SPMAP2L: variants seen among roughly 807,000 people sequenced by gnomAD.
SPMAP2L encodes sperm microtubule associated protein 2 like.
At chr4:56,584,455 C>A in the SPMAP2L span, 1 of 1,300,796 alleles carries the variant, frequency 7.7e-7, no homozygotes, top group Non-Finnish European at 1.1e-6. Context: ...GTTGTTTCTC[C>A]ATCCAACAGT....
chr4:56,540,064 A>G, the SPMAP2L span, among the ~76,000 whole-genome samples: 4 of 152,238 alleles, frequency 2.6e-5, no homozygotes, highest in Admixed American at 6.5e-5. Context: ...GATTCACTCA[A>G]GAGTTACTGA....
the SPMAP2L span, among the ~76,000 whole-genome samples, chr4:56,567,054 G>A: frequency 1.3e-5 from 2 of 151,736 alleles, no homozygotes; most frequent in South Asian, 2.1e-4. Flanking sequence ...TTTGTGCCAC[G>A]GTGATCATAC....
At chr4:56,534,243 C>T in the SPMAP2L span, among the ~76,000 whole-genome samples, 2 of 152,104 alleles carry the variant, frequency 1.3e-5, 1 homozygote, top group South Asian at 4.2e-4. Context: ...TCACAATGAT[C>T]GCTGCCTTGT....
chr4:56,553,396 T>C, the SPMAP2L span, among the ~76,000 whole-genome samples: 7 of 151,776 alleles, frequency 4.6e-5, no homozygotes, highest in Non-Finnish European at 1.0e-4. Context: ...TTTCCCTATG[T>C]TTCCCAGGCT....
chr4:56,618,374 G>A, the SPMAP2L span, among the ~76,000 whole-genome samples: 1 of 152,188 alleles, frequency 6.6e-6, no homozygotes, highest in East Asian at 1.9e-4. Context: ...GGAAACAAAG[G>A]TGTATTAGTT....
chr4:56,537,603 AAG>A, the SPMAP2L span, among the ~76,000 whole-genome samples: 9 of 152,150 alleles, frequency 5.9e-5, no homozygotes, highest in Admixed American at 4.6e-4. Context: ...GTTTTATCTC[AAG>A]AATATTTCCT....
the SPMAP2L span, among the ~76,000 whole-genome samples, chr4:56,589,336 C>T: frequency 6.6e-6 from 1 of 152,220 alleles, no homozygotes; most frequent in Admixed American, 6.5e-5. Context: ...GTGACTACGG[C>T]CTTATAGTAT....
At chr4:56,603,991 C>G in the SPMAP2L span, among the ~76,000 whole-genome samples, 3 of 152,056 alleles carry the variant, frequency 2.0e-5, no homozygotes, top group African/African-American at 7.2e-5. Context: ...TTGCATCTGC[C>G]CAGAATTTTA....
the SPMAP2L span, chr4:56,575,730 T>G: frequency 7.6e-7 from 1 of 1,317,942 alleles, no homozygotes; most frequent in Admixed American, 2.3e-5. Context: ...GTGTGCAATT[T>G]CATGAGCTAA....
chr4:56,552,517 T>G, the SPMAP2L span: 35 of 1,224,136 alleles, frequency 2.9e-5, no homozygotes, highest in Non-Finnish European at 3.6e-5. Flanking sequence ...TCTTAAGCAT[T>G]CTCTTTGAAT....
the SPMAP2L span, among the ~76,000 whole-genome samples, chr4:56,589,144 A>C: frequency 3.4e-4 from 52 of 152,040 alleles, no homozygotes; most frequent in African/African-American, 1.2e-3. Context: ...GCCCACCACC[A>C]CACCTGGCTA....
chr4:56,542,041 A>G, the SPMAP2L span, among the ~76,000 whole-genome samples: 1 of 152,246 alleles, frequency 6.6e-6, no homozygotes, highest in Non-Finnish European at 1.5e-5. Flanking sequence ...TAGGACTTAA[A>G]CAAGAGCCTC....
At chr4:56,530,954 A>G in the SPMAP2L span, 1 of 1,534,976 alleles carries the variant, frequency 6.5e-7, no homozygotes, top group African/African-American at 1.4e-5. Context: ...GCGCCCCACA[A>G]GCCCCGGGAC....
chr4:56,561,051 T>C, the SPMAP2L span, among the ~76,000 whole-genome samples: 3 of 152,326 alleles, frequency 2.0e-5, no homozygotes, highest in South Asian at 4.1e-4. Flanking sequence ...TGGCCAGACA[T>C]GCTTTTTAAT....
At chr4:56,591,047 C>G in the SPMAP2L span, among the ~76,000 whole-genome samples, 1 of 151,998 alleles carries the variant, frequency 6.6e-6, no homozygotes, top group Non-Finnish European at 1.5e-5. Context: ...ATAAATGATT[C>G]AATATGTTAT....
the SPMAP2L span, chr4:56,594,449 C>A: frequency 6.2e-7 from 1 of 1,605,364 alleles, no homozygotes; most frequent in Non-Finnish European, 8.5e-7. Context: ...TTTCTGAGAG[C>A]TTGAGAAGGA....
chr4:56,540,642 A>G, the SPMAP2L span, among the ~76,000 whole-genome samples: 1 of 151,702 alleles, frequency 6.6e-6, no homozygotes, highest in African/African-American at 2.4e-5. Flanking sequence ...AGAAAGAGAA[A>G]GAAAGAAAAG....
chr4:56,556,666 A>G, the SPMAP2L span, among the ~76,000 whole-genome samples: 1 of 152,214 alleles, frequency 6.6e-6, no homozygotes, highest in Non-Finnish European at 1.5e-5. Context: ...TGAGGTCAAG[A>G]GTTCGAGACA....
the SPMAP2L span, chr4:56,593,218 A>T: frequency 3.7e-6 from 5 of 1,349,274 alleles, no homozygotes; most frequent in African/African-American, 4.3e-5. Flanking sequence ...GTGACATCAC[A>T]GGCCTGGACA....
Sources: allele counts gnomAD v4.1 joint callset (sites outside exome capture counted in the v4.1 genomes callset), GRCh38; gene constraint gnomAD v4.1.1; transcripts MANE v1.5; gene names NCBI Gene and HGNC (gene_info 2026-07-23, HGNC 2026-07-21).